Variants in MYO5B observed in about 807,000 individuals in gnomAD.
The protein encoded by MYO5B is unconventional myosin-Vb.
MYO5B carries 143 observed loss-of-function variants against 229.3 expected under a neutral mutation model. That is an observed-to-expected ratio of 0.62 (90% CI 0.54 to 0.72). The LOEUF is 0.72. Ranked by LOEUF, MYO5B falls within the 30% of genes least tolerant of loss-of-function variation. The pLI, the probability that MYO5B is intolerant of heterozygous loss-of-function variation, is 0.00. For synonymous variants in MYO5B, 918 were observed against 885.2 expected (o/e 1.04, Z -0.66); for missense variants, 2,321 against 2,331.0 (o/e 1.00, Z 0.09).
At chr18:50,060,460 T>A (rs2030660600) in intron 1 of MYO5B, among the ~76,000 whole-genome samples, 1 of 152,200 alleles carries the variant, frequency 6.6e-6, no homozygotes, top group South Asian at 2.1e-4. Context: ...AACTCACTCA[T>A]ACAACCCAAT....
At chr18:49,894,357 T>A (rs548436625) in intron 22 of MYO5B, among the ~76,000 whole-genome samples, 1 of 152,286 alleles carries the variant, frequency 6.6e-6, no homozygotes, top group South Asian at 2.1e-4. Flanking sequence ...CCCTTGGGAC[T>A]TCCCTGGCTG....
At chr18:50,134,511 C>T (rs555294526) in intron 1 of MYO5B, among the ~76,000 whole-genome samples, 10 of 151,548 alleles carry the variant, frequency 6.6e-5, no homozygotes, top group Non-Finnish European at 1.3e-4. Context: ...GCCGAGATCG[C>T]GCCATTGCAC....
intron 1 of MYO5B, among the ~76,000 whole-genome samples, chr18:50,086,820 C>T (rs1044551710): frequency 2.6e-5 from 4 of 152,122 alleles, no homozygotes; most frequent in Non-Finnish European, 5.9e-5. Context: ...AGGAGATGAG[C>T]AGGCCACAGG....
chr18:50,176,523 T>C (rs922212749), intron 1 of MYO5B, among the ~76,000 whole-genome samples: 2 of 152,202 alleles, frequency 1.3e-5, no homozygotes, highest in African/African-American at 4.8e-5. Context: ...CCACTGTTAC[T>C]TAGTCCTCTT....
At chr18:50,181,518 G>T (rs968799117) in intron 1 of MYO5B, among the ~76,000 whole-genome samples, 1 of 152,200 alleles carries the variant, frequency 6.6e-6, no homozygotes, top group Non-Finnish European at 1.5e-5. Flanking sequence ...ACTATTTCTA[G>T]AACAGAAAGC....
chr18:49,894,854 A>G, intron 22 of MYO5B, 87 bp downstream of exon 22: 1 of 1,162,818 alleles, frequency 8.6e-7, no homozygotes, highest in Non-Finnish European at 1.3e-6. Context: ...CAATTTTACC[A>G]CTTGAAGCAG....
intron 2 of MYO5B, among the ~76,000 whole-genome samples, chr18:50,053,862 C>T (rs186843696): frequency 1.3e-4 from 20 of 152,284 alleles, no homozygotes; most frequent in Admixed American, 1.3e-3. Flanking sequence ...GTGCTGTTGC[C>T]ATTCAGAGAG....
chr18:49,863,434 G>A, intron 28 of MYO5B, 107 bp from the exon 29 acceptor site: 1 of 923,424 alleles, frequency 1.1e-6, no homozygotes, highest in Non-Finnish European at 1.7e-6. Flanking sequence ...ACAAAGGCCT[G>A]GAAAGAACAG....
chr18:49,873,281 G>C (rs1047839125), intron 26 of MYO5B, among the ~76,000 whole-genome samples: 1 of 152,228 alleles, frequency 6.6e-6, no homozygotes, highest in African/African-American at 2.4e-5. Context: ...TTCAAGTAGT[G>C]GGTGTTAGTC....
At chr18:49,937,997 GA>G (rs2025270098) in intron 14 of MYO5B, among the ~76,000 whole-genome samples, 1 of 152,126 alleles carries the variant, frequency 6.6e-6, no homozygotes, top group East Asian at 1.9e-4. Flanking sequence ...TGTAATGTAT[GA>G]ATGACAATTC....
chr18:50,127,340 C>T (rs1427478824), intron 1 of MYO5B, among the ~76,000 whole-genome samples: 1 of 152,140 alleles, frequency 6.6e-6, no homozygotes, highest in Non-Finnish European at 1.5e-5. Flanking sequence ...GTCTGTAATC[C>T]CAGCAGCCAA....
intron 8 of MYO5B, 147 bp downstream of exon 8, chr18:49,984,571 G>T (rs562465077): frequency 1.4e-6 from 1 of 710,324 alleles, no homozygotes; most frequent in Non-Finnish European, 2.6e-6. Flanking sequence ...GGGTAAGAGA[G>T]TAAGAGATGA....
intron 17 of MYO5B, among the ~76,000 whole-genome samples, chr18:49,927,521 A>T (rs916084738): frequency 7.9e-5 from 12 of 152,354 alleles, no homozygotes; most frequent in African/African-American, 2.9e-4. Context: ...ACAGTCACCA[A>T]AACAGCATGA....
chr18:49,953,078 G>A (rs1488811332), intron 14 of MYO5B, among the ~76,000 whole-genome samples, 182 bp downstream of exon 14: 1 of 152,084 alleles, frequency 6.6e-6, no homozygotes, highest in Non-Finnish European at 1.5e-5. Context: ...AGACAAGATT[G>A]GACACATTCA....
chr18:50,159,741 T>G lies in MYO5B; in HGVS notation c.27+35026A>C, dbSNP rs2032736182. On this transcript the variant is annotated intron_variant, in intron 1 of 39. Transcript: ENST00000285039. ...ACGCCGCCAGCAACCAGCTCCCCTC[T>G]CTCCCAGTGTTTGTTACTCAAGGTC... is the stretch of plus-strand genomic sequence containing the variant. Among the ~76,000 whole-genome samples the G allele has an allele frequency of 2.0e-5, 3 of 152,234 alleles. No individual in the cohort carries two copies. The South Asian group carries it at 6.2e-4, about 32-fold the overall frequency.
At chr18:50,040,028 A>G (rs1257875673) in intron 3 of MYO5B, 115 bp downstream of exon 3, 3 of 1,175,934 alleles carry the variant, frequency 2.6e-6, no homozygotes, top group Non-Finnish European at 3.8e-6. Flanking sequence ...GTCTCAGTGG[A>G]GAGATACTTA....
chr18:50,032,066 C>T (rs1242048720), intron 4 of MYO5B, among the ~76,000 whole-genome samples: 3 of 152,206 alleles, frequency 2.0e-5, no homozygotes, highest in Admixed American at 6.5e-5. Context: ...CCTGCAAAGG[C>T]CTCCACAGTC....
rs1254402987 is a variant in MYO5B at position 49,824,978 on chromosome 18, G to A, written c.*1493C>T. The stretch of plus-strand genomic sequence containing the variant: ...AAGGGCACAGTGCAGAAGGTAGCGT[G>A]GAGTGTGCTGTGTTTCCAAGAGCCT... On this transcript the variant is annotated 3_prime_UTR_variant, in exon 40 of 40. Coordinates refer to ENST00000285039, the MANE Select transcript of MYO5B (RefSeq NM_001080467.3). The A allele has an allele frequency of 6.6e-6, 1 of 152,228 alleles. No individual in the cohort carries two copies. The highest frequency in any genetic ancestry group is 1.5e-5 in the Non-Finnish European group (1 of 68,048). The allele number at this position is 152,228 out of a possible 1,614,324, so 9.4% of individuals were successfully genotyped here.
chr18:50,115,818 T>C (rs549834950), intron 1 of MYO5B, among the ~76,000 whole-genome samples: 33 of 99,648 alleles, frequency 3.3e-4, no homozygotes, highest in African/African-American at 1.2e-3. Flanking sequence ...TGTGGGTATG[T>C]GGGAGGGGGG....
Sources: gnomAD v4.1 joint callset for allele counts (sites outside exome capture counted in the v4.1 genomes callset) on GRCh38, gnomAD v4.1.1 for gene constraint, MANE v1.5 for transcripts, NCBI Gene and HGNC (gene_info 2026-07-23, HGNC 2026-07-21) for gene names.